The following CCDC126 variants were observed in gnomAD, a reference collection of about 807,000 sequenced individuals.
CCDC126 encodes the protein coiled-coil domain-containing protein 126.
A neutral mutation model predicts 11.7 loss-of-function variants in CCDC126; 5 were observed. That is an observed-to-expected ratio of 0.43 (90% CI 0.22 to 0.90). The LOEUF (loss-of-function observed/expected upper bound fraction) is 0.90. CCDC126 is among the 40% of genes least tolerant of loss of function. The pLI is 0.27. For missense variants in CCDC126, 150 were observed against 163.1 expected (o/e 0.92, Z 0.44); for synonymous variants, 60 against 61.9 (o/e 0.97, Z 0.14).
chr7:23,634,888 C>T (rs1783179986), intron 3 of CCDC126, among the ~76,000 whole-genome samples: 1 of 152,204 alleles, frequency 6.6e-6, no homozygotes, highest in Admixed American at 6.5e-5. Context: ...CTCTCTTCCA[C>T]AGTTAAAGGG....
Position 23,611,225 on chromosome 7 carries a change from A to T in CCDC126, c.-91A>T. On this transcript the variant is annotated 5_prime_UTR_variant, in exon 3 of 4. Coordinates refer to ENST00000307471, the MANE Select transcript of CCDC126 (RefSeq NM_138771.4). ...AGATGAAGAATATACAATATTGAGG[A>T]TATTTTTTTCTTTTTTTTTTCAAGT... The T allele has an allele frequency of 2.6e-6, 2 of 766,480 alleles. No homozygotes were observed. The highest frequency in any genetic ancestry group is 3.2e-5 in the South Asian group (2 of 61,710). The allele number at this position is 766,480 out of a possible 1,614,324, so 47.5% of individuals were successfully genotyped here.
intron 3 of CCDC126, among the ~76,000 whole-genome samples, chr7:23,618,547 T>G (rs1782833485): frequency 7.1e-6 from 1 of 140,540 alleles, no homozygotes; most frequent in Non-Finnish European, 1.6e-5. Flanking sequence ...AATTTTTTTT[T>G]TTTTTTTTTT....
At chr7:23,629,809 A>G (rs1394888593) in intron 3 of CCDC126, among the ~76,000 whole-genome samples, 1 of 152,208 alleles carries the variant, frequency 6.6e-6, no homozygotes, top group Admixed American at 6.5e-5. Context: ...AAATAAATAA[A>G]AAGAATAGAG....
chr7:23,613,628 A>G (rs769262530), intron 3 of CCDC126, among the ~76,000 whole-genome samples: 4 of 152,162 alleles, frequency 2.6e-5, no homozygotes, highest in Admixed American at 1.3e-4. Context: ...TCACATCCAT[A>G]TCCTTCTTAT....
At chr7:23,608,680 T>C (rs1371148553) in intron 2 of CCDC126, among the ~76,000 whole-genome samples, 1 of 152,202 alleles carries the variant, frequency 6.6e-6, no homozygotes, top group Non-Finnish European at 1.5e-5. Context: ...TGTATCTGAC[T>C]GCCCATCCTG....
chr7:23,602,104 G>A (rs1003801044), intron 2 of CCDC126: 2 of 152,182 alleles, frequency 1.3e-5, no homozygotes, highest in African/African-American at 2.4e-5. Context: ...CATATACATA[G>A]TGTGCTGTTT....
chr7:23,609,162 G>A (rs1207887028), intron 2 of CCDC126, among the ~76,000 whole-genome samples: 1 of 152,060 alleles, frequency 6.6e-6, no homozygotes, highest in Non-Finnish European at 1.5e-5. Flanking sequence ...GCCTCCAGCT[G>A]TGTGACTTCT....
intron 3 of CCDC126, among the ~76,000 whole-genome samples, chr7:23,633,225 C>G (rs1040642482): frequency 2.6e-5 from 4 of 152,166 alleles, no homozygotes; most frequent in Non-Finnish European, 4.4e-5. Context: ...CTCCCAACCT[C>G]AGGTGATCCG....
At chr7:23,602,716 C>T (rs1782563961) in intron 2 of CCDC126, among the ~76,000 whole-genome samples, 1 of 152,128 alleles carries the variant, frequency 6.6e-6, no homozygotes, top group African/African-American at 2.4e-5. Context: ...ACTTCCTCCT[C>T]TTTCTGAAAT....
Position 23,611,451 on chromosome 7 carries a change from C to A in CCDC126, c.136C>A (p.Arg46Ser), listed in dbSNP as rs760611014. ...AAGACATCAAAGCAGTGTCAAGTTACGTGAGCAAATACTAGACTTAAGCAA... is the reference window on the plus strand; with the variant it reads ...AAGACATCAAAGCAGTGTCAAGTTAAGTGAGCAAATACTAGACTTAAGCAA... Reference protein sequence around the residue: ...QPRHQSSVKLREQILDLSKRY... With the variant: ...QPRHQSSVKLSEQILDLSKRY... The change falls in exon 3 of 4, where the codon CGT becomes AGT. Residue 46 changes from arginine (R) to serine (S), a missense_variant. Transcript: ENST00000307471. The A allele has an allele frequency of 1.2e-6, 2 of 1,613,776 alleles. No homozygotes were observed. Among genetic ancestry groups the A allele is most frequent in the South Asian group, 2.2e-5 (2 of 91,078 alleles).
intron 3 of CCDC126, among the ~76,000 whole-genome samples, chr7:23,618,649 C>G (rs1782835398): frequency 6.7e-6 from 1 of 149,876 alleles, no homozygotes; most frequent in Admixed American, 6.7e-5. Context: ...CTCCTGGGTT[C>G]AAGTGACTCT....
chr7:23,640,773 C>T (rs1783339907), intron 3 of CCDC126, among the ~76,000 whole-genome samples: 1 of 152,062 alleles, frequency 6.6e-6, no homozygotes, highest in South Asian at 2.1e-4. Flanking sequence ...TTTCACTTAG[C>T]ATAACGTTTT....
In CCDC126 at chr7:23,607,171, T is replaced by C. The variant is rs1782637762; in HGVS notation, c.-145-4000T>C. 3.3e-5 allele frequency among the ~76,000 whole-genome samples: 5 copies of C among 152,220 alleles called. No homozygotes were observed. The South Asian group carries it at 1.0e-3, about 32-fold the overall frequency. On this transcript the variant is annotated intron_variant, in intron 2 of 3. Transcript: ENST00000307471. Reference sequence around the variant, plus strand: ...TTTCAAGTTTTGTGTTTTTTTTAAGTGATTAATAGAAAATTAATATAGTGG... The same window carrying C: ...TTTCAAGTTTTGTGTTTTTTTTAAGCGATTAATAGAAAATTAATATAGTGG...
intron 2 of CCDC126, among the ~76,000 whole-genome samples, chr7:23,610,523 T>G (rs945066991): frequency 1.3e-5 from 2 of 152,206 alleles, no homozygotes; most frequent in African/African-American, 4.8e-5. Flanking sequence ...CTCAAGTGTT[T>G]TAGTACTTGC....
At chr7:23,642,631 TG>T (rs974567597) in intron 3 of CCDC126, among the ~76,000 whole-genome samples, 2 of 151,620 alleles carry the variant, frequency 1.3e-5, no homozygotes, top group African/African-American at 4.8e-5. Flanking sequence ...GGCGTGGTGG[TG>T]GGCGCCTGTA....
At chr7:23,601,143 G>A (rs1162642679) in intron 2 of CCDC126, among the ~76,000 whole-genome samples, 1 of 152,174 alleles carries the variant, frequency 6.6e-6, no homozygotes, top group Non-Finnish European at 1.5e-5. Flanking sequence ...CAGCGCTTTG[G>A]GAAGCTGAGG....
At chr7:23,613,524 A>G (rs1358492726) in intron 3 of CCDC126, among the ~76,000 whole-genome samples, 2 of 152,082 alleles carry the variant, frequency 1.3e-5, no homozygotes, top group East Asian at 1.9e-4. Flanking sequence ...TTTTTCAGTT[A>G]TAGGTGTTAT....
At chr7:23,620,241 C>T (rs1396875900) in intron 3 of CCDC126, among the ~76,000 whole-genome samples, 1 of 152,160 alleles carries the variant, frequency 6.6e-6, no homozygotes. Context: ...TCTCCAGCAC[C>T]TGTTGTTTCC....
At chr7:23,598,944 A>C (rs1782481258) in intron 2 of CCDC126, among the ~76,000 whole-genome samples, 1 of 152,274 alleles carries the variant, frequency 6.6e-6, no homozygotes, top group East Asian at 1.9e-4. Flanking sequence ...TTCAATGATA[A>C]AGGTTTTTAG....
Sources: gnomAD v4.1 joint callset for allele counts (sites outside exome capture counted in the v4.1 genomes callset) on GRCh38, gnomAD v4.1.1 for gene constraint, MANE v1.5 for transcripts, NCBI Gene and HGNC (gene_info 2026-07-23, HGNC 2026-07-21) for gene names.